Variants in ENTREP2 observed in about 807,000 individuals in gnomAD.
ENTREP2 encodes the protein protein ENTREP2.
the ENTREP2 span, among the ~76,000 whole-genome samples, chr15:29,352,548 T>C: frequency 5.9e-5 from 9 of 152,268 alleles, no homozygotes; most frequent in Non-Finnish European, 1.3e-4. Flanking sequence ...CTCCACTCTT[T>C]CTTGTAACCG....
chr15:29,659,717 T>G, the ENTREP2 span, among the ~76,000 whole-genome samples: 1 of 152,194 alleles, frequency 6.6e-6, no homozygotes. Context: ...CTTATGCTTA[T>G]GGGAGTTGTC....
chr15:29,608,175 C>G, the ENTREP2 span, among the ~76,000 whole-genome samples: 1 of 152,168 alleles, frequency 6.6e-6, no homozygotes, highest in Non-Finnish European at 1.5e-5. Context: ...TCTCCTTTGG[C>G]AACACCTCAC....
the ENTREP2 span, among the ~76,000 whole-genome samples, chr15:29,505,871 C>T: frequency 6.6e-6 from 1 of 152,132 alleles, no homozygotes; most frequent in East Asian, 1.9e-4. The surrounding 1 kb of genome is among the most constrained non-coding windows in gnomAD (Gnocchi z 4.3). Context: ...AGGATCACAA[C>T]TCCTTGCCAA....
chr15:29,179,582 CTTTTT>C, the ENTREP2 span, among the ~76,000 whole-genome samples: 2 of 134,660 alleles, frequency 1.5e-5, no homozygotes, highest in Non-Finnish European at 1.6e-5. Flanking sequence ...CCGGAGTCGT[CTTTTT>C]TTTTTTTTTT....
chr15:29,281,026 T>G, the ENTREP2 span, among the ~76,000 whole-genome samples: 1 of 152,312 alleles, frequency 6.6e-6, no homozygotes, highest in Non-Finnish European at 1.5e-5. Context: ...TGTTTATCAT[T>G]ATCCAAGTGG....
the ENTREP2 span, among the ~76,000 whole-genome samples, chr15:29,548,171 AAGATGGGGC>A: frequency 1.3e-5 from 2 of 152,090 alleles, no homozygotes; most frequent in Non-Finnish European, 2.9e-5. Flanking sequence ...TACAATGGAT[AAGATGGGGC>A]CGGGTGGCTC....
At chr15:29,499,106 G>A in the ENTREP2 span, among the ~76,000 whole-genome samples, 1 of 152,138 alleles carries the variant, frequency 6.6e-6, no homozygotes, top group East Asian at 1.9e-4. Context: ...CAGCCAATCT[G>A]TCTTTTGACT....
At chr15:29,568,005 T>A in the ENTREP2 span, among the ~76,000 whole-genome samples, 234 of 152,282 alleles carry the variant, frequency 1.5e-3, 2 homozygotes, top group Middle Eastern at 0.01. Flanking sequence ...GGCAAGGCAG[T>A]TGCACCAATC....
At chr15:29,336,613 A>C in the ENTREP2 span, among the ~76,000 whole-genome samples, 4 of 144,244 alleles carry the variant, frequency 2.8e-5, no homozygotes, top group African/African-American at 4.9e-5. Context: ...GCCCAGCCTT[A>C]GTATGTTTTA....
At chr15:29,507,375 A>G in the ENTREP2 span, among the ~76,000 whole-genome samples, 1 of 152,222 alleles carries the variant, frequency 6.6e-6, no homozygotes, top group Non-Finnish European at 1.5e-5. Context: ...AAGGATATTC[A>G]GGACTTGAAC....
the ENTREP2 span, among the ~76,000 whole-genome samples, chr15:29,655,467 C>T: frequency 1.3e-5 from 2 of 152,176 alleles, no homozygotes; most frequent in Non-Finnish European, 2.9e-5. Context: ...TGTAACACAA[C>T]ATGTTTTGCT....
the ENTREP2 span, among the ~76,000 whole-genome samples, chr15:29,408,162 T>A: frequency 0.33 from 50,864 of 151,838 alleles, 8,723 homozygotes; most frequent in Middle Eastern, 0.46. Flanking sequence ...GGCTCCAGAG[T>A]GGTCTGATTC....
chr15:29,223,387 G>A, the ENTREP2 span, among the ~76,000 whole-genome samples: 5 of 152,094 alleles, frequency 3.3e-5, no homozygotes, highest in Non-Finnish European at 7.4e-5. Context: ...TCTCTGCAAA[G>A]AAAGGTGCCC....
the ENTREP2 span, among the ~76,000 whole-genome samples, chr15:29,299,862 A>G: frequency 0.16 from 24,325 of 150,464 alleles, 3,297 homozygotes; most frequent in African/African-American, 0.38. Flanking sequence ...GGGTAGGTAG[A>G]TGGATGAGTA....
the ENTREP2 span, among the ~76,000 whole-genome samples, chr15:29,371,340 A>C: frequency 7.2e-6 from 1 of 138,692 alleles, no homozygotes; most frequent in African/African-American, 3.0e-5. Context: ...ATACCACCAC[A>C]CCCCCGCAAA....
chr15:29,249,279 G>A, the ENTREP2 span, among the ~76,000 whole-genome samples: 1 of 152,234 alleles, frequency 6.6e-6, no homozygotes, highest in Admixed American at 6.5e-5. Context: ...CTGCACACCA[G>A]CCTGGGTGAC....
the ENTREP2 span, among the ~76,000 whole-genome samples, chr15:29,385,251 A>C: frequency 6.6e-6 from 1 of 152,150 alleles, no homozygotes; most frequent in Non-Finnish European, 1.5e-5. Context: ...TACTCCACCT[A>C]CTTCTAAGCC....
At chr15:29,245,288 A>G in the ENTREP2 span, among the ~76,000 whole-genome samples, 1 of 152,212 alleles carries the variant, frequency 6.6e-6, no homozygotes, top group African/African-American at 2.4e-5. Flanking sequence ...GAAAACTATA[A>G]AAGTGTAGTA....
the ENTREP2 span, among the ~76,000 whole-genome samples, chr15:29,138,575 A>ATATGTTATG: frequency 2.8e-5 from 4 of 143,286 alleles, no homozygotes; most frequent in South Asian, 2.2e-4. Flanking sequence ...GTGTATGTGC[A>ATATGTTATG]TGTGCATGTG....
Sources: gnomAD v4.1 joint callset for allele counts (sites outside exome capture counted in the v4.1 genomes callset) on GRCh38, gnomAD v4.1.1 for gene constraint, Gnocchi (gnomAD v3.1) non-coding constraint, MANE v1.5 for transcripts, NCBI Gene and HGNC (gene_info 2026-07-23, HGNC 2026-07-21) for gene names.